Variants in LPA observed in about 807,000 individuals in gnomAD.
LPA encodes apolipoprotein(a).
Under a neutral mutation model 197.9 loss-of-function variants are expected in LPA, and 199 were observed. That is an observed-to-expected ratio of 1.01 (90% CI 0.90 to 1.13). The LOEUF (loss-of-function observed/expected upper bound fraction) is 1.13. LPA is among the 50% of genes most tolerant of loss of function. The pLI, the probability that LPA is intolerant of heterozygous loss-of-function variation, is 0.00. For synonymous variants in LPA, 715 were observed against 639.5 expected, an observed-to-expected ratio of 1.12 and a Z score of -1.78; for missense variants, 1,853 against 1,785.8, an observed-to-expected ratio of 1.04 and a Z score of -0.68.
Position 160,664,273 on chromosome 6 carries a change from T to C in LPA, c.-59A>G, listed in dbSNP as rs1780273422. ...TCCCAATCCCAGGACATTGTTGACTTACATGAGAGTAAACGCACCCACAAA... is the reference window on the plus strand; with the variant it reads ...TCCCAATCCCAGGACATTGTTGACTCACATGAGAGTAAACGCACCCACAAA... On this transcript the variant is annotated 5_prime_UTR_variant, in exon 1 of 39. Coordinates refer to ENST00000316300, the MANE Select transcript of LPA (RefSeq NM_005577.4). The C allele has an allele frequency of 6.4e-7, 1 of 1,568,258 alleles. No homozygotes were observed. The highest frequency in any genetic ancestry group is 1.4e-5 in the African/African-American group (1 of 73,152).
At chr6:160,647,442 G>A (rs1474169520) in intron 2 of LPA, among the ~76,000 whole-genome samples, 1 of 152,100 alleles carries the variant, frequency 6.6e-6, no homozygotes, top group African/African-American at 2.4e-5. Context: ...CCAACATTGT[G>A]TCTCTAGTGG....
At position 160,532,888 on chromosome 6, in the gene LPA, G is replaced by GTTGTTGTTTGTGTACTT. The variant is rs1777828346; in HGVS notation, c.5843-256_5843-240dup. Among the ~76,000 whole-genome samples, 16 of 152,174 alleles carry GTTGTTGTTTGTGTACTT rather than the reference G, an allele frequency of 1.1e-4. No homozygotes were observed. The South Asian group carries it at 3.3e-3, about 32-fold the overall frequency. The stretch of plus-strand genomic sequence containing the variant: ...GCTTTGTCATGCTGCTTTGGGGTTG[G>GTTGTTGTTTGTGTACTT]TTGTTGTTTGTGTACTTTTTGCTTT... On this transcript the variant is annotated intron_variant, in intron 37 of 38. Transcript: ENST00000316300.
At chr6:160,651,427 T>C (rs1227489177) in intron 1 of LPA, among the ~76,000 whole-genome samples, 1 of 152,118 alleles carries the variant, frequency 6.6e-6, no homozygotes, top group Non-Finnish European at 1.5e-5. Context: ...CAGCAACCCA[T>C]CACTGGAGGA....
At chr6:160,555,969 C>G in intron 30 of LPA, 56 bp downstream of exon 30, 4 of 1,274,120 alleles carry the variant, frequency 3.1e-6, no homozygotes, top group Non-Finnish European at 4.6e-6. Flanking sequence ...CAAGGCTCTT[C>G]TAGGAGGAAC....
intron 32 of LPA, among the ~76,000 whole-genome samples, chr6:160,547,212 T>G (rs1263401787): frequency 6.6e-6 from 1 of 152,202 alleles, no homozygotes; most frequent in Non-Finnish European, 1.5e-5. Flanking sequence ...CTAATTTTCC[T>G]GCAAGTAGGT....
chr6:160,572,411 C>T (rs41264298), intron 28 of LPA, among the ~76,000 whole-genome samples: 2,199 of 152,256 alleles, frequency 0.014, 46 homozygotes, highest in African/African-American at 0.051. Context: ...ATGTGAGGTG[C>T]CACTGCATTC....
rs1352096286 is a variant in LPA at position 160,610,371 on chromosome 6, A to G, written c.2603+1191T>C. Among the ~76,000 whole-genome samples the G allele has an allele frequency of 1.3e-5, 2 of 152,112 alleles. 1 individual carries two copies. Among genetic ancestry groups the G allele is most frequent in the African/African-American group, 4.8e-5 (2 of 41,386 alleles). ...GCAGCTGCCTTTATTCTAGTAATAT[A>G]CTAATTGTACTTTGAAATTATGGCT... On this transcript the variant is annotated intron_variant, in intron 16 of 38. Coordinates refer to ENST00000316300, the MANE Select transcript of LPA (RefSeq NM_005577.4).
At chr6:160,610,847 C>A (rs577617615) in intron 16 of LPA, among the ~76,000 whole-genome samples, 8 of 152,262 alleles carry the variant, frequency 5.3e-5, no homozygotes, top group South Asian at 4.1e-4. Flanking sequence ...TCTCTCAATT[C>A]TCTAGGTCCT....
In LPA at chr6:160,605,086, G is replaced by A. The variant is rs1347804381; in HGVS notation, c.2905C>T (p.Pro969Ser). 6.2e-7 allele frequency: 1 copy of A among 1,613,890 alleles called. No homozygotes were observed. Among genetic ancestry groups the A allele is most frequent in the Non-Finnish European group, 8.5e-7 (1 of 1,179,812 alleles). The change falls in exon 18 of 39, where the codon CCA becomes TCA. Residue 969 changes from proline to serine, a missense_variant. By Grantham distance (74) the Pro-to-Ser change is moderately conservative. Coordinates refer to ENST00000316300, the MANE Select transcript of LPA (RefSeq NM_005577.4). ...GCTGGGGTCCGACTATGCGAGTGTG[G>A]TGTCATAGATGACCAAGCTTGGCAG... ...RTCQAWSSMT[P>S]HSHSRTPAYY...
chr6:160,553,537 T>G (rs892197609), intron 30 of LPA, among the ~76,000 whole-genome samples: 5 of 152,204 alleles, frequency 3.3e-5, no homozygotes, highest in African/African-American at 1.2e-4. Flanking sequence ...TTAAAGATGT[T>G]ATGCCATTGT....
rs771903485 is a variant in LPA, at chr6:160,553,954, T to TGTGTGTGTGTGTGTGTGTGCGC, written c.4973+2070_4973+2071insGCGCACACACACACACACACAC. Among the ~76,000 whole-genome samples the TGTGTGTGTGTGTGTGTGTGCGC allele has an allele frequency of 9.6e-3, 1,249 of 130,742 alleles. 2 individuals are homozygous for TGTGTGTGTGTGTGTGTGTGCGC. Among genetic ancestry groups the TGTGTGTGTGTGTGTGTGTGCGC allele is most frequent in the East Asian group, 0.021 (93 of 4,380 alleles). 85.8% of individuals were successfully genotyped at this position (130,742 alleles called of 152,430 possible). On this transcript the variant is annotated intron_variant, in intron 30 of 38. Transcript: ENST00000316300. ...CTCTCTCTCTGTGTGTGTGTGTGTG[T>TGTGTGTGTGTGTGTGTGTGCGC]GCGCGCGCGCGCGTGTGCGTGTGTG...
At chr6:160,650,734 T>C (rs529210297) in intron 1 of LPA, among the ~76,000 whole-genome samples, 21 of 152,310 alleles carry the variant, frequency 1.4e-4, no homozygotes, top group African/African-American at 5.1e-4. Context: ...CATATCAGAA[T>C]TCTTCTCACC....
chr6:160,594,052 A>G lies in LPA; in HGVS notation c.3535T>C (p.Ser1179Pro). Residue 1179 changes from serine to proline, a missense_variant, in exon 22 of 39, where the codon TCA (serine) becomes CCA (proline). Ser to Pro is a moderately conservative substitution (Grantham distance 74). Around this residue, in one of 3 missense-constraint regions of LPA, gnomAD observed 1,737 missense variants for 1,504.4 expected, o/e 1.15. Transcript: ENST00000316300. ...CTTCCTGTGACAGTGGTAGAGAATG[A>G]GCCTCGATAACTCTGTCCATCACCA... ...YHGDGQSYRG[S>P]FSTTVTGRTC... 1.2e-6 allele frequency: 2 copies of G among 1,613,992 alleles called. No individual in the cohort carries two copies. Among genetic ancestry groups the G allele is most frequent in the Non-Finnish European group, 1.7e-6 (2 of 1,179,876 alleles).
intron 16 of LPA, among the ~76,000 whole-genome samples, chr6:160,608,563 C>CT (rs1265203694): frequency 6.6e-6 from 1 of 152,080 alleles, no homozygotes; most frequent in African/African-American, 2.4e-5. Flanking sequence ...ATGTGAAGTA[C>CT]AAAAGTGCAT....
At chr6:160,583,127 C>T (rs1778831688) in intron 26 of LPA, among the ~76,000 whole-genome samples, 1 of 152,092 alleles carries the variant, frequency 6.6e-6, no homozygotes, top group Non-Finnish European at 1.5e-5. Context: ...ATGATACATA[C>T]ATTTTAAATC....
chr6:160,589,671 C>T lies in LPA; in HGVS notation c.3829G>A (p.Gly1277Ser). 6.2e-7 allele frequency: 1 copy of T among 1,613,906 alleles called. No individual in the cohort carries two copies. Among genetic ancestry groups the T allele is most frequent in the Non-Finnish European group, 8.5e-7 (1 of 1,179,852 alleles). ...QSPTVQDCYH[G>S]DGQSYRGSFS... ...GAGCCTCGATAACTCTGTCCATCAC[C>T]ATGGTAGCAGTCCTGGACTGTGGGG... is the stretch of plus-strand genomic sequence containing the variant. Residue 1277 changes from glycine to serine, a missense_variant, in exon 24 of 39, where the codon GGT becomes AGT. By Grantham distance (56) the Gly-to-Ser change is moderately conservative (BLOSUM62 0). This residue lies in a region of LPA where 1,737 missense variants were observed against 1,504.4 expected (regional missense o/e 1.15). Coordinates refer to ENST00000316300, the MANE Select transcript of LPA (RefSeq NM_005577.4).
At chr6:160,603,233 G>GGGGTGTGTGTGTGT (rs143056855) in intron 18 of LPA, among the ~76,000 whole-genome samples, 3 of 144,760 alleles carry the variant, frequency 2.1e-5, no homozygotes, top group Non-Finnish European at 3.0e-5. Context: ...TATTTGTGGA[G>GGGGTGTGTGTGTGT]GTGTGTGTGT....
chr6:160,596,159 A>T (rs41271024), intron 20 of LPA, among the ~76,000 whole-genome samples: 7,284 of 152,206 alleles, frequency 0.048, 569 homozygotes, highest in African/African-American at 0.16. Context: ...AGCTTTCAGA[A>T]CTGGAAGATG....
At chr6:160,626,584 CT>C (rs1166627141) in intron 10 of LPA, among the ~76,000 whole-genome samples, 1 of 121,196 alleles carries the variant, frequency 8.3e-6, no homozygotes, top group Admixed American at 8.2e-5. Context: ...TTAAGACATA[CT>C]TTTTTTATAC....
Sources: gnomAD v4.1 joint callset for allele counts (sites outside exome capture counted in the v4.1 genomes callset) on GRCh38, gnomAD v4.1.1 for gene constraint, gnomAD v4.1.1 regional missense constraint, MANE v1.5 for transcripts, NCBI Gene and HGNC (gene_info 2026-07-23, HGNC 2026-07-21) for gene names.